Variants in CCDC60 observed in about 807,000 individuals in gnomAD.
The protein encoded by CCDC60 is coiled-coil domain containing 60.
CCDC60 carries 54 observed loss-of-function variants against 63.5 expected under a neutral mutation model. That is an observed-to-expected ratio of 0.85 (90% confidence interval 0.68 to 1.07). The LOEUF (loss-of-function observed/expected upper bound fraction) is 1.07, where lower values mean the gene tolerates loss of function less well. CCDC60 is among the 50% of genes least tolerant of loss of function. The pLI, the probability that CCDC60 is intolerant of heterozygous loss-of-function variation, is 0.00. For missense variants in CCDC60, 651 were observed against 684.3 expected, an observed-to-expected ratio of 0.95 and a Z score of 0.54; for synonymous variants, 206 against 238.8, an observed-to-expected ratio of 0.86 and a Z score of 1.27.
chr12:119,449,666 C>T lies in CCDC60; in HGVS notation c.170+20904C>T, dbSNP rs559888736. On this transcript the variant is annotated intron_variant, in intron 2 of 13. Transcript: ENST00000327554. ...TAGTCACTGTGCCAGGTTCTGAGGA[C>T]GCAGGAAAGACTGAGAAATTGCCCT... Among the ~76,000 whole-genome samples, 4 of 152,190 alleles carry T rather than the reference C, an allele frequency of 2.6e-5. 1 individual carries two copies. Among genetic ancestry groups the T allele is most frequent in the African/African-American group, 7.2e-5 (3 of 41,520 alleles).
intron 1 of CCDC60, among the ~76,000 whole-genome samples, chr12:119,399,683 G>C (rs113473698): frequency 1.8e-4 from 27 of 150,962 alleles, no homozygotes; most frequent in African/African-American, 6.2e-4. Flanking sequence ...CTGAAGACAG[G>C]GGGGAAGGGA....
intron 1 of CCDC60, among the ~76,000 whole-genome samples, chr12:119,426,411 A>G (rs1956902340): frequency 6.6e-6 from 1 of 151,584 alleles, no homozygotes; most frequent in South Asian, 2.1e-4. Flanking sequence ...GCTGCACTGC[A>G]GTGGCGCGAT....
intron 1 of CCDC60, among the ~76,000 whole-genome samples, chr12:119,357,558 G>C (rs999011975): frequency 2.4e-4 from 37 of 151,772 alleles, no homozygotes; most frequent in African/African-American, 7.3e-4. Flanking sequence ...AAGTTTAAGC[G>C]ATTCTCCTGC....
intron 7 of CCDC60, among the ~76,000 whole-genome samples, chr12:119,506,476 GGT>G (rs1952009183): frequency 6.6e-6 from 1 of 151,178 alleles, no homozygotes; most frequent in Non-Finnish European, 1.5e-5. Flanking sequence ...AGCCATGCAT[GGT>G]GGTGTGTGCC....
At chr12:119,491,475 C>T (rs1260124879) in intron 5 of CCDC60, among the ~76,000 whole-genome samples, 1 of 152,110 alleles carries the variant, frequency 6.6e-6, no homozygotes, top group Non-Finnish European at 1.5e-5. Context: ...ACTACAGGTG[C>T]CCGCCACCAC....
intron 5 of CCDC60, among the ~76,000 whole-genome samples, chr12:119,489,133 C>A (rs739426): frequency 0.37 from 55,981 of 151,906 alleles, 10,810 homozygotes; most frequent in South Asian, 0.62. Context: ...AATCAGCCAG[C>A]CACATGGGAG....
chr12:119,489,192 C>T (rs1951526025), intron 5 of CCDC60, among the ~76,000 whole-genome samples: 1 of 152,136 alleles, frequency 6.6e-6, no homozygotes, highest in Non-Finnish European at 1.5e-5. Flanking sequence ...TCACTGGATC[C>T]ACAGCTTGAC....
At chr12:119,443,658 C>T (rs991357667) in intron 2 of CCDC60, among the ~76,000 whole-genome samples, 4 of 152,196 alleles carry the variant, frequency 2.6e-5, no homozygotes, top group Non-Finnish European at 4.4e-5. Context: ...TATTAATTTC[C>T]TCACGGCTCT....
chr12:119,434,169 C>T (rs996492574), intron 2 of CCDC60, among the ~76,000 whole-genome samples: 5 of 152,090 alleles, frequency 3.3e-5, no homozygotes, highest in Admixed American at 6.6e-5. Flanking sequence ...AGGTGATGCA[C>T]GTGTTTAAGG....
chr12:119,498,885 C>A (rs1372852970), intron 5 of CCDC60, among the ~76,000 whole-genome samples: 1 of 152,152 alleles, frequency 6.6e-6, no homozygotes, highest in African/African-American at 2.4e-5. Context: ...ACCCACTTCC[C>A]CATAGCCACA....
At position 119,433,660 on chromosome 12, in the gene CCDC60, G is replaced by A. The variant is rs1237393538; in HGVS notation, c.170+4898G>A. On this transcript the variant is annotated intron_variant, in intron 2 of 13. Transcript: ENST00000327554. ...GATGATGTTGACTTTTCCATCCATT[G>A]TTTCTTAACTTTGTTTCCCCTCCTG... 7.2e-6 allele frequency: 5 copies of A among 691,864 alleles called. No individual in the cohort carries two copies. In the African/African-American group the frequency reaches 8.8e-5, roughly 12 times the overall value. The allele number at this position is 691,864 out of a possible 1,614,324, so 42.9% of individuals were successfully genotyped here. A position where few individuals can be genotyped will look rare whatever the true frequency, so the allele number is the denominator to read the frequency against.
chr12:119,362,554 A>G (rs1413851034), intron 1 of CCDC60, among the ~76,000 whole-genome samples: 1 of 152,118 alleles, frequency 6.6e-6, no homozygotes, highest in Non-Finnish European at 1.5e-5. Flanking sequence ...TTTGCTCACC[A>G]TTATATCTGG....
intron 1 of CCDC60, among the ~76,000 whole-genome samples, chr12:119,394,316 C>T (rs1197589068): frequency 7.9e-5 from 12 of 152,202 alleles, no homozygotes; most frequent in Non-Finnish European, 7.3e-5. Context: ...ATTATTGTCT[C>T]TTGTCTCCCC....
At chr12:119,470,976 G>C (rs890060581) in intron 2 of CCDC60, among the ~76,000 whole-genome samples, 1 of 152,200 alleles carries the variant, frequency 6.6e-6, no homozygotes, top group Non-Finnish European at 1.5e-5. Flanking sequence ...ATTGATGGTT[G>C]CTTATTAGGA....
At chr12:119,373,003 G>A (rs1389091347) in intron 1 of CCDC60, among the ~76,000 whole-genome samples, 2 of 152,186 alleles carry the variant, frequency 1.3e-5, no homozygotes, top group Non-Finnish European at 2.9e-5. Context: ...AATAGTAAAA[G>A]TGGCAGTGCA....
chr12:119,526,052 G>A (rs1952668361), intron 11 of CCDC60, among the ~76,000 whole-genome samples: 1 of 152,118 alleles, frequency 6.6e-6, no homozygotes, highest in African/African-American at 2.4e-5. Context: ...GCATGATACT[G>A]GTACAAAAAC....
intron 1 of CCDC60, among the ~76,000 whole-genome samples, chr12:119,387,256 G>A (rs1398362491): frequency 6.6e-6 from 1 of 152,120 alleles, no homozygotes; most frequent in African/African-American, 2.4e-5. Context: ...CTGAAGAGAA[G>A]TTCCTCTTTG....
chr12:119,353,002 C>G (rs899007484), intron 1 of CCDC60, among the ~76,000 whole-genome samples: 1 of 152,026 alleles, frequency 6.6e-6, no homozygotes, highest in Admixed American at 6.6e-5. Context: ...GCTCATACAG[C>G]TTTTATGAGC....
intron 1 of CCDC60, among the ~76,000 whole-genome samples, chr12:119,418,680 G>A (rs1209228655): frequency 6.6e-6 from 1 of 152,008 alleles, no homozygotes; most frequent in Admixed American, 6.6e-5. Context: ...CTCCCAAAGT[G>A]CTGGGATTAC....
Sources: allele counts gnomAD v4.1 joint callset (sites outside exome capture counted in the v4.1 genomes callset), GRCh38; gene constraint gnomAD v4.1.1; transcripts MANE v1.5; gene names NCBI Gene and HGNC (gene_info 2026-07-23, HGNC 2026-07-21).